Variants in MAP3K5 observed in about 807,000 individuals in gnomAD.
MAP3K5 encodes mitogen-activated protein kinase kinase kinase 5.
In MAP3K5, 56 loss-of-function variants were observed where a neutral mutation model predicts 158.7. That is an observed-to-expected ratio of 0.35 (90% CI 0.28 to 0.44). The LOEUF is 0.44. Among genes scored for constraint, MAP3K5 ranks in the 20% least tolerant of loss-of-function variants. MAP3K5 has a pLI of 1.00. For synonymous variants in MAP3K5, 579 were observed against 601.7 expected, an observed-to-expected ratio of 0.96 and a Z score of 0.55; for missense variants, 1,294 against 1,674.8, an observed-to-expected ratio of 0.77 and a Z score of 3.97.
At chr6:136,757,260 A>G (rs551700898) in intron 1 of MAP3K5, among the ~76,000 whole-genome samples, 1 of 152,326 alleles carries the variant, frequency 6.6e-6, no homozygotes, top group South Asian at 2.1e-4. Flanking sequence ...TTTCAAGAAA[A>G]TAAGTTCCAG....
chr6:136,722,635 T>C (rs967090764), intron 1 of MAP3K5, among the ~76,000 whole-genome samples: 16 of 151,458 alleles, frequency 1.1e-4, no homozygotes, highest in African/African-American at 2.9e-4. Flanking sequence ...CACTCTTTTA[T>C]GCTGTGGGAA....
chr6:136,614,203 C>G lies in MAP3K5; in HGVS notation c.2234G>C (p.Ser745Thr), dbSNP rs1279604302. The G allele has an allele frequency of 1.2e-6, 2 of 1,613,768 alleles. No homozygotes were observed. Among genetic ancestry groups the G allele is most frequent in the African/African-American group, 1.3e-5 (1 of 74,916 alleles). ...GAAGATTTTAATGAAACCATTCTCA[C>G]TGAAAGAGCCCAGATACTGGACAAT... The part of the protein sequence containing the change: ...KNIVQYLGSF[S>T]ENGFIKIFME... Residue 745 changes from serine (S) to threonine (T), a missense_variant, in exon 16 of 30, where the codon AGT becomes ACT. Ser to Thr is a moderately conservative substitution (Grantham distance 58). Around this residue, in one of 5 missense-constraint regions of MAP3K5, gnomAD observed 41 missense variants for 98.2 expected, o/e 0.42. Transcript: ENST00000359015.
intron 1 of MAP3K5, among the ~76,000 whole-genome samples, chr6:136,753,339 C>A (rs1367643839): frequency 6.6e-6 from 1 of 151,982 alleles, no homozygotes; most frequent in African/African-American, 2.4e-5. Flanking sequence ...AGTATACGAA[C>A]CTAGCATTAG....
chr6:136,772,428 T>C (rs1233536777), intron 1 of MAP3K5, among the ~76,000 whole-genome samples: 1 of 150,728 alleles, frequency 6.6e-6, no homozygotes, highest in East Asian at 2.0e-4. Flanking sequence ...CAGAAGGGAG[T>C]TCATTCCAAG....
At chr6:136,569,735 A>T (rs1774279499) in intron 25 of MAP3K5, among the ~76,000 whole-genome samples, 1 of 152,254 alleles carries the variant, frequency 6.6e-6, no homozygotes, top group South Asian at 2.1e-4. Flanking sequence ...GTCACAGGTC[A>T]TAGTCACTCA....
intron 1 of MAP3K5, among the ~76,000 whole-genome samples, chr6:136,784,507 T>A (rs1231854951): frequency 6.6e-6 from 1 of 152,182 alleles, no homozygotes; most frequent in East Asian, 1.9e-4. Context: ...AAAAACCATG[T>A]GTTGGACACC....
chr6:136,644,825 C>T (rs976418509), intron 11 of MAP3K5, among the ~76,000 whole-genome samples: 2 of 152,150 alleles, frequency 1.3e-5, no homozygotes, highest in East Asian at 1.9e-4. Context: ...CCCGGGATGC[C>T]GCCTGTGTGA....
At chr6:136,735,804 G>A (rs945018542) in intron 1 of MAP3K5, among the ~76,000 whole-genome samples, 6 of 151,992 alleles carry the variant, frequency 3.9e-5, no homozygotes, top group Non-Finnish European at 5.9e-5. Context: ...ACTCCAATCC[G>A]GGTGACAGAG....
At chr6:136,610,959 T>C (rs1776309654) in intron 18 of MAP3K5, among the ~76,000 whole-genome samples, 1 of 151,264 alleles carries the variant, frequency 6.6e-6, no homozygotes, top group Admixed American at 6.6e-5. Flanking sequence ...TACAAAAAAA[T>C]TAGCTGGGCG....
intron 23 of MAP3K5, among the ~76,000 whole-genome samples, chr6:136,590,475 G>C (rs1355280299): frequency 6.6e-6 from 1 of 150,658 alleles, no homozygotes; most frequent in Non-Finnish European, 1.5e-5. Context: ...ACCTTGATGA[G>C]AAAAAAAAGA....
chr6:136,601,892 G>T lies in MAP3K5; in HGVS notation c.2767C>A (p.Pro923Thr), dbSNP rs1459835548. 6.2e-7 allele frequency: 1 copy of T among 1,614,012 alleles called. No individual in the cohort carries two copies. The highest frequency in any genetic ancestry group is 1.3e-5 in the African/African-American group (1 of 74,926). The part of the protein sequence containing the change: ...AFILKCFEPD[P>T]DKRACANDLL... ...TCGTTAGCACAGGCTCTCTTGTCAG[G>T]ATCTGGTTCAAAACATTTCAGTATG... Residue 923 changes from proline to threonine, a missense_variant, in exon 20 of 30, where the codon CCT becomes ACT. By Grantham distance (38) the Pro-to-Thr change is conservative (BLOSUM62 -1). Coordinates refer to ENST00000359015, the MANE Select transcript of MAP3K5 (RefSeq NM_005923.4).
At chr6:136,779,233 G>A (rs886246270) in intron 1 of MAP3K5, among the ~76,000 whole-genome samples, 3 of 151,958 alleles carry the variant, frequency 2.0e-5, no homozygotes, top group African/African-American at 7.3e-5. Flanking sequence ...GGTATAGAGT[G>A]AGCCTGTCTC....
intron 18 of MAP3K5, among the ~76,000 whole-genome samples, chr6:136,606,715 G>A (rs976371936): frequency 5.3e-5 from 8 of 152,188 alleles, no homozygotes; most frequent in African/African-American, 1.4e-4. Context: ...AAATTATGAG[G>A]TGTTTGCCAA....
rs949411161 is a variant in MAP3K5, at chr6:136,692,146, A to G, written c.1253+1994T>C. ...GGTCTTGAACTCCTAGGCTCAAGCC[A>G]TCTTCGCACCTCAGCCTCCTGAGTA... On this transcript the variant is annotated intron_variant, in intron 7 of 29. Coordinates refer to ENST00000359015, the MANE Select transcript of MAP3K5 (RefSeq NM_005923.4). 1.1e-4 allele frequency among the ~76,000 whole-genome samples: 17 copies of G among 151,740 alleles called. No homozygotes were observed. The South Asian group carries it at 2.3e-3, about 20-fold the overall frequency.
In MAP3K5 at chr6:136,669,317, G is replaced by A. The variant is rs1779365582; in HGVS notation, c.1332C>T (p.His444=). 2 of 1,613,494 alleles carry A rather than the reference G, an allele frequency of 1.2e-6. No homozygotes were observed. The highest frequency in any genetic ancestry group is 2.7e-5 in the African/African-American group (2 of 74,910). Residue 444 remains histidine, a synonymous_variant, in exon 8 of 30, where the codon CAC becomes CAT. Coordinates refer to ENST00000359015, the MANE Select transcript of MAP3K5 (RefSeq NM_005923.4). ...NYAVLLLAAG[H]QFESSFELRK... ...GGAGCTCAAAGGAAGATTCAAACTG[G>A]TGTCCAGCTGCCAGGAGGAGGACCG... is the stretch of plus-strand genomic sequence containing the variant.
At chr6:136,626,974 CCTA>C (rs1173952877) in intron 14 of MAP3K5, among the ~76,000 whole-genome samples, 2 of 152,072 alleles carry the variant, frequency 1.3e-5, no homozygotes, top group Non-Finnish European at 2.9e-5. Context: ...TTAGGGAAAC[CCTA>C]TCATAGAATA....
chr6:136,604,385 G>C (rs1257802188), intron 19 of MAP3K5, among the ~76,000 whole-genome samples: 1 of 151,966 alleles, frequency 6.6e-6, no homozygotes, highest in Non-Finnish European at 1.5e-5. Flanking sequence ...AAAGTCCTTT[G>C]CCTTGGATCC....
Position 136,631,539 on chromosome 6 carries a change from G to T in MAP3K5, c.2016+5786C>A, listed in dbSNP as rs1185703191. Among the ~76,000 whole-genome samples the T allele has an allele frequency of 2.0e-5, 3 of 150,302 alleles. No homozygotes were observed. The East Asian group carries it at 5.8e-4, about 29-fold the overall frequency. ...TTTTTCTTTTTTTTTTTTAGACAGG[G>T]TCTGGCTCTGTCACCAAGGCTGGAG... On this transcript the variant is annotated intron_variant, in intron 14 of 29. Transcript: ENST00000359015.
chr6:136,566,452 C>T (rs1325570284), intron 26 of MAP3K5, among the ~76,000 whole-genome samples: 1 of 152,224 alleles, frequency 6.6e-6, no homozygotes, highest in East Asian at 1.9e-4. Context: ...CAGAGAGTAA[C>T]CTAGAGATAA....
Sources: gnomAD v4.1 joint callset for allele counts (sites outside exome capture counted in the v4.1 genomes callset) on GRCh38, gnomAD v4.1.1 for gene constraint, gnomAD v4.1.1 regional missense constraint, MANE v1.5 for transcripts, NCBI Gene and HGNC (gene_info 2026-07-23, HGNC 2026-07-21) for gene names.